ATCAY: variants seen among roughly 807,000 people sequenced by gnomAD.
The protein encoded by ATCAY is ATCAY kinesin light chain interacting caytaxin.
Under a neutral mutation model 47.7 loss-of-function variants are expected in ATCAY, and 22 were observed. The observed-to-expected ratio is 0.46, with a 90% CI of 0.33 to 0.66. The LOEUF is 0.66. Ranked by LOEUF, ATCAY falls within the 30% of genes least tolerant of loss-of-function variation. The pLI is 0.02. For missense variants in ATCAY, 452 were observed against 515.0 expected, an observed-to-expected ratio of 0.88 and a Z score of 1.18; for synonymous variants, 216 against 207.6, an observed-to-expected ratio of 1.04 and a Z score of -0.35.
intron 1 of ATCAY, among the ~76,000 whole-genome samples, chr19:3,882,974 G>A (rs2038615069): frequency 6.6e-6 from 1 of 151,452 alleles, no homozygotes. Context: ...TTTGAGAGAT[G>A]GGGTCTTGCT....
rs34938220 is a variant in ATCAY at position 3,881,866 on chromosome 19, G to GCCC, written c.-42+866_-42+868dup. Among the ~76,000 whole-genome samples, 13 of 117,612 alleles carry GCCC rather than the reference G, an allele frequency of 1.1e-4. 1 individual carries two copies. The highest frequency in any genetic ancestry group is 9.7e-4 in the East Asian group (3 of 3,108). 77.2% of individuals were successfully genotyped at this position (117,612 alleles called of 152,430 possible). A position where few individuals can be genotyped will look rare whatever the true frequency, so the allele number is the denominator to read the frequency against. ...AAGGGCCTGGCTGGCTGCTGCCACC[G>GCCC]CCCCCCCCCCGACCCCATAGCATCC... On this transcript the variant is annotated intron_variant, in intron 1 of 12. Transcript: ENST00000450849.
intron 11 of ATCAY, among the ~76,000 whole-genome samples, chr19:3,919,270 C>G (rs887543441): frequency 2.0e-5 from 3 of 149,470 alleles, no homozygotes; most frequent in African/African-American, 7.4e-5. Context: ...GACTCCATCT[C>G]AAAAAAATAA....
At chr19:3,923,418 G>C (rs1177902210) in intron 12 of ATCAY, among the ~76,000 whole-genome samples, 1 of 152,220 alleles carries the variant, frequency 6.6e-6, no homozygotes, top group South Asian at 2.1e-4. Context: ...ATGAATGGAT[G>C]AATGGATAGG....
chr19:3,887,868 G>T (rs1348648722), intron 2 of ATCAY, among the ~76,000 whole-genome samples: 1 of 151,294 alleles, frequency 6.6e-6, no homozygotes, highest in Non-Finnish European at 1.5e-5. Flanking sequence ...CAGCACTTTG[G>T]GAGGCCAAGG....
intron 2 of ATCAY, among the ~76,000 whole-genome samples, chr19:3,901,071 T>C (rs2038812412): frequency 2.6e-5 from 4 of 151,914 alleles, no homozygotes; most frequent in Admixed American, 1.3e-4. Context: ...CCCGCTATTT[T>C]TTTTGTACTT....
At chr19:3,888,395 C>T (rs1394183311) in intron 2 of ATCAY, among the ~76,000 whole-genome samples, 1 of 151,982 alleles carries the variant, frequency 6.6e-6, no homozygotes, top group Non-Finnish European at 1.5e-5. Flanking sequence ...TTTGGGAGGC[C>T]GAGGCGGGCA....
intron 11 of ATCAY, among the ~76,000 whole-genome samples, chr19:3,920,012 T>C (rs1326022530): frequency 6.6e-6 from 1 of 152,178 alleles, no homozygotes; most frequent in Non-Finnish European, 1.5e-5. Flanking sequence ...TACAGCAGTG[T>C]CGGTCCTCAT....
intron 9 of ATCAY, among the ~76,000 whole-genome samples, chr19:3,916,722 C>T (rs1425332667): frequency 6.6e-6 from 1 of 151,974 alleles, no homozygotes; most frequent in African/African-American, 2.4e-5. Context: ...TCTCAAACTC[C>T]CCACCTCAGC....
chr19:3,893,995 C>T (rs11881836), intron 2 of ATCAY, among the ~76,000 whole-genome samples: 46,811 of 151,934 alleles, frequency 0.31, 8,651 homozygotes, highest in Non-Finnish European at 0.42. Flanking sequence ...CAGTGCCTTC[C>T]ATCTGGAGTG....
chr19:3,902,279 G>A (rs1467380916), intron 2 of ATCAY, among the ~76,000 whole-genome samples: 1 of 151,614 alleles, frequency 6.6e-6, no homozygotes, highest in African/African-American at 2.4e-5. Flanking sequence ...CCATGATCAC[G>A]CTACTGCACT....
chr19:3,894,525 G>A (rs1043036013), intron 2 of ATCAY, among the ~76,000 whole-genome samples: 31 of 147,918 alleles, frequency 2.1e-4, no homozygotes, highest in African/African-American at 6.2e-4. Context: ...ATAGTAGTGT[G>A]TGCTGGTAGT....
At chr19:3,884,491 C>T (rs1334331948) in intron 1 of ATCAY, among the ~76,000 whole-genome samples, 1 of 152,068 alleles carries the variant, frequency 6.6e-6, no homozygotes, top group East Asian at 1.9e-4. Flanking sequence ...ACTGGATTCT[C>T]TTTGAACTTG....
intron 2 of ATCAY, among the ~76,000 whole-genome samples, 174 bp downstream of exon 2, chr19:3,886,018 G>A (rs1382579528): frequency 2.6e-5 from 4 of 152,196 alleles, no homozygotes; most frequent in African/African-American, 9.6e-5. Context: ...CTGTGTGCGA[G>A]TCTTCTCTGT....
chr19:3,893,253 A>C (rs1377627583), intron 2 of ATCAY, among the ~76,000 whole-genome samples: 1 of 148,652 alleles, frequency 6.7e-6, no homozygotes, highest in Non-Finnish European at 1.5e-5. Context: ...AGCTCACTGC[A>C]ACCTCCGCCT....
At chr19:3,909,039 G>A (rs1298803192) in intron 6 of ATCAY, among the ~76,000 whole-genome samples, 2 of 94,976 alleles carry the variant, frequency 2.1e-5, no homozygotes, top group African/African-American at 8.5e-5. Context: ...AAGGCCTAGA[G>A]ACCAGCCTGG....
At chr19:3,913,970 C>A in intron 9 of ATCAY, 114 bp downstream of exon 9, 1 of 868,070 alleles carries the variant, frequency 1.2e-6, no homozygotes, top group Non-Finnish European at 1.8e-6. Flanking sequence ...GGCGCGGTGG[C>A]TCCTGCCTGT....
In ATCAY at chr19:3,886,711, A is replaced by G. The variant is rs75790829; in HGVS notation, c.77+867A>G. 9.5e-5 allele frequency among the ~76,000 whole-genome samples: 14 copies of G among 146,898 alleles called. No individual in the cohort carries two copies. In the East Asian group the frequency reaches 1.2e-3, roughly 13 times the overall value. Reference sequence around the variant, plus strand: ...TTAGGAGACACTTACCTCCCCTAACATGCTGAACTTTTTTTTTTTTTTTTT... The same window carrying G: ...TTAGGAGACACTTACCTCCCCTAACGTGCTGAACTTTTTTTTTTTTTTTTT... On this transcript the variant is annotated intron_variant, in intron 2 of 12. Coordinates refer to ENST00000450849, the MANE Select transcript of ATCAY (RefSeq NM_033064.5).
chr19:3,901,935 G>T lies in ATCAY; in HGVS notation c.78-552G>T, dbSNP rs191587671. Among the ~76,000 whole-genome samples, 338 of 152,288 alleles carry T rather than the reference G, an allele frequency of 2.2e-3. 3 individuals are homozygous for T. The highest frequency in any genetic ancestry group is 7.9e-3 in the African/African-American group (329 of 41,560). On this transcript the variant is annotated intron_variant, in intron 2 of 12. Coordinates refer to ENST00000450849, the MANE Select transcript of ATCAY (RefSeq NM_033064.5). ...GGCCTGAACCCGGGAGGCGGAGGTT[G>T]CCGTGAGCCGAGATCATGCCACTCT... is the stretch of plus-strand genomic sequence containing the variant.
At chr19:3,909,944 C>T (rs927476918) in intron 7 of ATCAY, among the ~76,000 whole-genome samples, 3 of 152,138 alleles carry the variant, frequency 2.0e-5, no homozygotes, top group Admixed American at 2.0e-4. Flanking sequence ...CAAAAATTAG[C>T]TGGGCGTGGT....
Sources: gnomAD v4.1 joint callset for allele counts (sites outside exome capture counted in the v4.1 genomes callset) on GRCh38, gnomAD v4.1.1 for gene constraint, MANE v1.5 for transcripts, NCBI Gene and HGNC (gene_info 2026-07-23, HGNC 2026-07-21) for gene names.